ABCA3: variants seen among roughly 807,000 people sequenced by gnomAD.
The protein encoded by ABCA3 is ATP binding cassette subfamily A member 3.
In ABCA3, 88 loss-of-function variants were observed where a neutral mutation model predicts 172.8. That is an observed-to-expected ratio of 0.51 (90% CI 0.43 to 0.61). ABCA3 has a LOEUF of 0.61. ABCA3 is among the 20% of genes least tolerant of loss of function. The probability of loss-of-function intolerance (pLI) is 0.00; values close to 1 mark genes in which losing one functional copy is unlikely to be tolerated. For synonymous variants in ABCA3, 1,066 were observed against 983.8 expected (o/e 1.08, Z -1.56); for missense variants, 2,164 against 2,301.0 (o/e 0.94, Z 1.22).
At chr16:2,302,202 C>A (rs1354606116) in intron 12 of ABCA3, among the ~76,000 whole-genome samples, 3 of 152,070 alleles carry the variant, frequency 2.0e-5, no homozygotes, top group Non-Finnish European at 4.4e-5. Context: ...GCTGTGAGAC[C>A]CCTGATTTCC....
chr16:2,327,257 T>G (rs1377009508), intron 3 of ABCA3, among the ~76,000 whole-genome samples: 1 of 151,966 alleles, frequency 6.6e-6, no homozygotes, highest in African/African-American at 2.4e-5. Flanking sequence ...GAACTACAGG[T>G]GCATGCCACC....
Position 2,286,430 on chromosome 16 carries a change from T to G in ABCA3, c.3278+264A>C, listed in dbSNP as rs1272497699. On this transcript the variant is annotated intron_variant, in intron 22 of 32. Transcript: ENST00000301732. This position sits in a 1 kb window ranked among gnomAD's most constrained non-coding sequence, Gnocchi z 5.2. ...AGTGGCTGACAGGAGCCAGGTAGAT[T>G]TAGGAGGAGAAGGCAGGGCTGCCTG... 6.6e-6 allele frequency among the ~76,000 whole-genome samples: 1 copy of G among 151,902 alleles called. No homozygotes were observed. Among genetic ancestry groups the G allele is most frequent in the Admixed American group, 6.6e-5 (1 of 15,264 alleles).
Position 2,278,451 on chromosome 16 carries a change from T to TA in ABCA3, c.4554dup (p.Asn1519Ter). The TA allele has an allele frequency of 6.2e-7, 1 of 1,612,100 alleles. No individual in the cohort carries two copies. The highest frequency in any genetic ancestry group is 8.5e-7 in the Non-Finnish European group (1 of 1,180,018). On this transcript the variant is annotated frameshift_variant, in exon 30 of 33. Coordinates refer to ENST00000301732, the MANE Select transcript of ABCA3 (RefSeq NM_001089.3). LOFTEE classifies it high-confidence loss of function. This position sits in a 1 kb window ranked among gnomAD's most constrained non-coding sequence, Gnocchi z 4.4. ...ATGCCGGTGCTCAGCTTCCGCTTGT[T>TA]ACCACCACTAGAGGCAGGAGGGTGC...
Position 2,284,645 on chromosome 16 carries a change from G to C in ABCA3, c.3703+134C>G. 8.2e-7 allele frequency: 1 copy of C among 1,218,346 alleles called. No homozygotes were observed. The highest frequency in any genetic ancestry group is 1.5e-5 in the African/African-American group (1 of 66,816). The allele number at this position is 1,218,346 out of a possible 1,614,324, so 75.5% of individuals were successfully genotyped here. A position where few individuals can be genotyped will look rare whatever the true frequency, so the allele number is the denominator to read the frequency against. ...ATGGCTAGCCGGGCAGGGCCAGCTG[G>C]GGCAGAGGGGCTGGTGAGCATGAAC... On this transcript the variant is annotated intron_variant, in intron 24 of 32. Coordinates refer to ENST00000301732, the MANE Select transcript of ABCA3 (RefSeq NM_001089.3). The surrounding 1 kb of genome is among the most constrained non-coding windows in gnomAD (Gnocchi z 5.9).
At chr16:2,340,152 C>T (rs1364528184) in intron 1 of ABCA3, among the ~76,000 whole-genome samples, 1 of 152,258 alleles carries the variant, frequency 6.6e-6, no homozygotes, top group African/African-American at 2.4e-5. Flanking sequence ...GGCGCCATCT[C>T]CGCAAGTGCG....
intron 8 of ABCA3, among the ~76,000 whole-genome samples, chr16:2,319,238 C>T (rs1235270634): frequency 1.3e-5 from 2 of 152,114 alleles, no homozygotes. Context: ...GTAATCCCAG[C>T]ACTTCTGGAG....
At position 2,311,014 on chromosome 16, in the gene ABCA3, A is replaced by G. The variant is rs545105715; in HGVS notation, c.1112-2391T>C. Among the ~76,000 whole-genome samples the G allele has an allele frequency of 2.5e-4, 38 of 150,116 alleles. 1 individual carries two copies. The highest frequency in any genetic ancestry group is 1.7e-3 in the South Asian group (8 of 4,740). On this transcript the variant is annotated intron_variant, in intron 10 of 32. Transcript: ENST00000301732. Reference sequence around the variant, plus strand: ...TTTTGAGATGGAGTCTCGCTCTGTCACCAGGCTGGAGTGCAGTGGCACGAC... The same window carrying G: ...TTTTGAGATGGAGTCTCGCTCTGTCGCCAGGCTGGAGTGCAGTGGCACGAC...
In ABCA3 at chr16:2,278,638, C is replaced by A. The variant is rs2093650423; in HGVS notation, c.4548-180G>T. Among the ~76,000 whole-genome samples, 1 of 152,220 alleles carries A rather than the reference C, an allele frequency of 6.6e-6. No individual in the cohort carries two copies. Among genetic ancestry groups the A allele is most frequent in the African/African-American group, 2.4e-5 (1 of 41,456 alleles). On this transcript the variant is annotated intron_variant, in intron 29 of 32. Transcript: ENST00000301732. The surrounding 1 kb of genome is among the most constrained non-coding windows in gnomAD (Gnocchi z 4.4). ...GCCCACCGCATAGGGCTGGAGGCCC[C>A]AGAGAAGGCTGTTCCCAGGGGCCCG...
chr16:2,281,481 A>G lies in ABCA3; in HGVS notation c.4064T>C (p.Leu1355Pro). Reference sequence around the variant, plus strand: ...GTCCGCTACATCTTGGTCCTCAGGAAGCACAGGCATCCGGGTGTATAATTC... The same window carrying G: ...GTCCGCTACATCTTGGTCCTCAGGAGGCACAGGCATCCGGGTGTATAATTC... Reference protein sequence around the residue: ...LTELYTRMPVLPEDQDVADER... With the variant: ...LTELYTRMPVPPEDQDVADER... The change falls in exon 27 of 33, where the codon CTT (leucine) becomes CCT (proline). Residue 1355 changes from leucine (L) to proline (P), a missense_variant. Coordinates refer to ENST00000301732, the MANE Select transcript of ABCA3 (RefSeq NM_001089.3). The surrounding 1 kb of genome is among the most constrained non-coding windows in gnomAD (Gnocchi z 4.7). The G allele has an allele frequency of 2.5e-6, 4 of 1,611,882 alleles. No individual in the cohort carries two copies.
At chr16:2,318,893 G>C (rs2093720955) in intron 8 of ABCA3, among the ~76,000 whole-genome samples, 1 of 152,012 alleles carries the variant, frequency 6.6e-6, no homozygotes, top group Non-Finnish European at 1.5e-5. Context: ...CCACCACTTA[G>C]GTTCAGTAAC....
rs1309331843 is a variant in ABCA3, at chr16:2,287,989, C to T, written c.3004+37G>A. ...GCGAACTCTGGCTGCAGGACTGGCC[C>T]CCGATGCCCCCGTCCCGCCCCCGGG... On this transcript the variant is annotated intron_variant, in intron 21 of 32. Transcript: ENST00000301732. The surrounding 1 kb of genome is among the most constrained non-coding windows in gnomAD (Gnocchi z 4.1). The T allele has an allele frequency of 1.9e-6, 3 of 1,595,656 alleles. No individual in the cohort carries two copies. Among genetic ancestry groups the T allele is most frequent in the African/African-American group, 2.7e-5 (2 of 74,834 alleles).
chr16:2,297,667 G>C lies in ABCA3; in HGVS notation c.2052+99C>G. 6.3e-7 allele frequency: 1 copy of C among 1,590,868 alleles called. No homozygotes were observed. The highest frequency in any genetic ancestry group is 1.3e-5 in the African/African-American group (1 of 74,704). On this transcript the variant is annotated intron_variant, in intron 16 of 32. Transcript: ENST00000301732. The surrounding 1 kb of genome is among the most constrained non-coding windows in gnomAD (Gnocchi z 5.6). The stretch of plus-strand genomic sequence containing the variant: ...GTCCTCCAAGGATGGTGATGGCCTT[G>C]TCTGGGGTGTCAAGGGCCAAGGTGC...
rs1193029227 is a variant in ABCA3, at chr16:2,299,403, C to CT, written c.1740dup (p.Gly581ArgfsTer16). On this transcript the variant is annotated frameshift_variant and splice_region_variant, in exon 14 of 33. Transcript: ENST00000301732. LOFTEE classifies it high-confidence loss of function. ...GGGGCGTGAGGCGCCTGGCCCTCAC[C>CT]TGTGAGCATGGAGAGGGTGGTGGTC... 1 of 1,613,622 alleles carries CT rather than the reference C, an allele frequency of 6.2e-7. No homozygotes were observed. The highest frequency in any genetic ancestry group is 8.5e-7 in the Non-Finnish European group (1 of 1,179,968).
Position 2,286,543 on chromosome 16 carries a change from G to A in ABCA3, c.3278+151C>T, listed in dbSNP as rs893253490. The A allele has an allele frequency of 1.9e-6, 2 of 1,039,372 alleles. No individual in the cohort carries two copies. The highest frequency in any genetic ancestry group is 2.3e-5 in the Admixed American group (1 of 43,308). 64.4% of individuals were successfully genotyped at this position (1,039,372 alleles called of 1,614,324 possible). A position where few individuals can be genotyped will look rare whatever the true frequency, so the allele number is the denominator to read the frequency against. ...GTCACAGGGAGTTGGGGCTGTGGAT[G>A]GTGGAGGAGGATGTGGCAGGGGTTT... On this transcript the variant is annotated intron_variant, in intron 22 of 32. Transcript: ENST00000301732. This position sits in a 1 kb window ranked among gnomAD's most constrained non-coding sequence, Gnocchi z 5.2.
At position 2,338,751 on chromosome 16, in the gene ABCA3, CT is replaced by C. The variant is rs34719364; in HGVS notation, c.-539+1821del. 8.4e-3 allele frequency among the ~76,000 whole-genome samples: 1,024 copies of C among 121,582 alleles called. 1 individual carries two copies. Among genetic ancestry groups the C allele is most frequent in the Admixed American group, 9.2e-3 (112 of 12,152 alleles). The allele number at this position is 121,582 out of a possible 152,430, so 79.8% of individuals were successfully genotyped here. A position where few individuals can be genotyped will look rare whatever the true frequency, so the allele number is the denominator to read the frequency against. On this transcript the variant is annotated intron_variant, in intron 1 of 32. Transcript: ENST00000301732. ...AGAGCAGGGACTGTGTCCAATTCAT[CT>C]TTTTTTTTTTTTTTTTTTTTGAGAC...
At position 2,284,630 on chromosome 16, in the gene ABCA3, G is replaced by A. The variant is rs1052501164; in HGVS notation, c.3703+149C>T. 166 of 1,220,486 alleles carry A rather than the reference G, an allele frequency of 1.4e-4. No individual in the cohort carries two copies. In the Middle Eastern group the frequency reaches 1.9e-3, roughly 14 times the overall value. The allele number at this position is 1,220,486 out of a possible 1,614,324, so 75.6% of individuals were successfully genotyped here. A position where few individuals can be genotyped will look rare whatever the true frequency, so the allele number is the denominator to read the frequency against. ...GCCTGCCCACCAGTCATGGCTAGCC[G>A]GGCAGGGCCAGCTGGGGCAGAGGGG... On this transcript the variant is annotated intron_variant, in intron 24 of 32. Coordinates refer to ENST00000301732, the MANE Select transcript of ABCA3 (RefSeq NM_001089.3). The surrounding 1 kb of genome is among the most constrained non-coding windows in gnomAD (Gnocchi z 5.9).
intron 1 of ABCA3, among the ~76,000 whole-genome samples, chr16:2,330,319 AT>A (rs796294302): frequency 0.051 from 6,009 of 117,090 alleles, 362 homozygotes; most frequent in African/African-American, 0.17. Context: ...TATAAGCTCT[AT>A]TTTTTTTTTT....
Position 2,306,781 on chromosome 16 carries a change from C to T in ABCA3, c.1285+1669G>A, listed in dbSNP as rs573804719. Among the ~76,000 whole-genome samples, 13 of 152,008 alleles carry T rather than the reference C, an allele frequency of 8.6e-5. No individual in the cohort carries two copies. The East Asian group carries it at 1.2e-3, about 14-fold the overall frequency. On this transcript the variant is annotated intron_variant, in intron 11 of 32. Coordinates refer to ENST00000301732, the MANE Select transcript of ABCA3 (RefSeq NM_001089.3). ...CTGTAATCCCAGCACTTTGGGAGGC[C>T]GAGGCGGGCGGATCACAAGGTCAGA...
In ABCA3 at chr16:2,278,384, G is replaced by C; in HGVS notation, c.4622C>G (p.Pro1541Arg). The C allele has an allele frequency of 6.2e-7, 1 of 1,612,724 alleles. No individual in the cohort carries two copies. The highest frequency in any genetic ancestry group is 8.5e-7 in the Non-Finnish European group (1 of 1,179,996). ...GGCCACGGGGTCCATGCCAGTGGAC[G>C]GCTCGTCCAGGAAGATGACAGCAGG... The part of the protein sequence containing the change: ...GEPAVIFLDE[P>R]STGMDPVARR... The change falls in exon 30 of 33, where the codon CCG becomes CGG. Residue 1541 changes from proline to arginine, a missense_variant. Pro to Arg is a moderately radical substitution (Grantham distance 103, BLOSUM62 -2). Transcript: ENST00000301732. The surrounding 1 kb of genome is among the most constrained non-coding windows in gnomAD (Gnocchi z 4.4).
Sources: allele counts gnomAD v4.1 joint callset (sites outside exome capture counted in the v4.1 genomes callset), GRCh38; gene constraint gnomAD v4.1.1; non-coding constraint Gnocchi (gnomAD v3.1); transcripts MANE v1.5; gene names NCBI Gene and HGNC (gene_info 2026-07-23, HGNC 2026-07-21).